DMD: variants seen among roughly 807,000 people sequenced by gnomAD.
DMD encodes the protein mutant dystrophin.
DMD carries 63 observed loss-of-function variants against 330.1 expected under a neutral mutation model. The ratio of observed to expected loss-of-function variants is 0.19; its 90% CI spans 0.16 to 0.24. The LOEUF is 0.24. DMD is among the 10% of genes least tolerant of loss of function. The pLI is 1.00. For missense variants in DMD, 3,344 were observed against 2,684.1 expected (o/e 1.25, Z -5.43); for synonymous variants, 1,223 against 959.8 (o/e 1.27, Z -5.07).
At chrX:31,695,552 AC>A (rs1317241198) in intron 52 of DMD, among the ~76,000 whole-genome samples, 1 of 103,203 alleles carries the variant, frequency 9.7e-6, no homozygotes, top group Non-Finnish European at 2.0e-5. Flanking sequence ...ATATATACCT[AC>A]TATGTACCCC....
intron 1 of DMD, among the ~76,000 whole-genome samples, chrX:33,049,354 T>C (rs765946914): frequency 2.7e-5 from 3 of 111,742 alleles, no homozygotes; most frequent in Non-Finnish European, 5.6e-5. Context: ...CTCAGAAGAC[T>C]GTATATTTCC....
intron 59 of DMD, among the ~76,000 whole-genome samples, chrX:31,476,916 C>T (rs1309933890): frequency 9.0e-6 from 1 of 111,199 alleles, no homozygotes; most frequent in Non-Finnish European, 1.9e-5. Context: ...CATGTGCCAT[C>T]AGTGAAAATG....
chrX:33,239,473 T>C (rs2052550753), intron 1 of DMD, among the ~76,000 whole-genome samples: 1 of 109,803 alleles, frequency 9.1e-6, no homozygotes, highest in African/African-American at 3.3e-5. Flanking sequence ...AGGAGGGCAA[T>C]ACCTTTACTT....
rs770736063 is a variant in DMD, at chrX:32,320,326, C to T, written c.5923-10050G>A. Among the ~76,000 whole-genome samples the T allele has an allele frequency of 2.5e-3, 280 of 111,496 alleles. 3 individuals carry two copies. Among genetic ancestry groups the T allele is most frequent in the Non-Finnish European group, 4.7e-3 (247 of 52,879 alleles). On this transcript the variant is annotated intron_variant, in intron 41 of 78. Coordinates refer to ENST00000357033, the MANE Select transcript of DMD (RefSeq NM_004006.3). ...GGAAGTATTCTCTTCATTAGAAATG[C>T]GAGTGATAGTAAAGATGCATATAAT...
intron 2 of DMD, among the ~76,000 whole-genome samples, chrX:32,950,353 C>A (rs931133759): frequency 1.8e-5 from 2 of 110,964 alleles, no homozygotes; most frequent in Non-Finnish European, 3.8e-5. Context: ...AAGTATCTTG[C>A]TACACATTAT....
chrX:32,618,044 G>A (rs1041557135), intron 11 of DMD, among the ~76,000 whole-genome samples: 3 of 111,703 alleles, frequency 2.7e-5, no homozygotes, highest in Admixed American at 9.5e-5. Context: ...CAAAGAAAAG[G>A]GAACACTTAT....
At chrX:31,951,149 ATATATATATG>A (rs2095167675) in intron 45 of DMD, among the ~76,000 whole-genome samples, 1 of 74,392 alleles carries the variant, frequency 1.3e-5, no homozygotes, top group African/African-American at 6.3e-5. Flanking sequence ...ATGTGTATAT[ATATATATATG>A]TATATATATA....
chrX:31,619,559 G>C (rs904805044), intron 55 of DMD, among the ~76,000 whole-genome samples: 1 of 111,590 alleles, frequency 9.0e-6, no homozygotes, highest in Non-Finnish European at 1.9e-5. Flanking sequence ...TCCCTTATAA[G>C]ATCCTCACAA....
intron 1 of DMD, among the ~76,000 whole-genome samples, chrX:33,048,407 C>T (rs2094411240): frequency 1.8e-5 from 2 of 110,404 alleles, no homozygotes; most frequent in Non-Finnish European, 1.9e-5. Context: ...AAGAAAAATT[C>T]GACTGGGAGC....
chrX:32,498,439 C>T (rs2148671190), intron 19 of DMD, among the ~76,000 whole-genome samples: 1 of 110,630 alleles, frequency 9.0e-6, no homozygotes, highest in Admixed American at 9.7e-5. Flanking sequence ...TTAACACTCT[C>T]CTTTTAGTAG....
chrX:32,624,408 C>A (rs756048616), intron 11 of DMD, among the ~76,000 whole-genome samples: 44 of 111,956 alleles, frequency 3.9e-4, no homozygotes, highest in African/African-American at 1.4e-3. Context: ...TAGAGAGGGG[C>A]TAGCAAAACA....
chrX:31,841,299 A>G (rs1396559560), intron 48 of DMD, among the ~76,000 whole-genome samples: 1 of 111,781 alleles, frequency 8.9e-6, no homozygotes, highest in African/African-American at 3.3e-5. Context: ...GAAATTGTAG[A>G]AGAAAAGTTG....
intron 55 of DMD, among the ~76,000 whole-genome samples, chrX:31,594,655 T>C (rs1480298001): frequency 3.6e-5 from 4 of 111,594 alleles, no homozygotes; most frequent in Admixed American, 1.9e-4. Flanking sequence ...CCTGCTCTGA[T>C]TGGTTAATCT....
intron 1 of DMD, among the ~76,000 whole-genome samples, chrX:33,308,565 T>G (rs190056387): frequency 8.1e-4 from 90 of 111,793 alleles, no homozygotes; most frequent in Non-Finnish European, 1.0e-3. Flanking sequence ...CAGGAAAATT[T>G]ACAACAATCT....
chrX:31,205,875 T>C (rs1220632724), intron 66 of DMD, among the ~76,000 whole-genome samples: 2 of 112,342 alleles, frequency 1.8e-5, no homozygotes, highest in African/African-American at 3.2e-5. Context: ...TTGTTTAATA[T>C]TCCTACTGAA....
intron 54 of DMD, among the ~76,000 whole-genome samples, chrX:31,653,823 A>G (rs1387331488): frequency 1.8e-5 from 2 of 111,621 alleles, no homozygotes; most frequent in African/African-American, 3.2e-5. Context: ...ATATGTTATC[A>G]TGGACTCTGT....
chrX:32,684,581 C>A (rs2062709929), intron 9 of DMD, among the ~76,000 whole-genome samples: 1 of 111,448 alleles, frequency 9.0e-6, no homozygotes, highest in Non-Finnish European at 1.9e-5. Context: ...GTCATAAGCC[C>A]TCTTACAACT....
chrX:31,490,189 T>A (rs543510383), intron 57 of DMD, among the ~76,000 whole-genome samples: 1 of 112,231 alleles, frequency 8.9e-6, no homozygotes, highest in South Asian at 3.7e-4. Context: ...CCAACGCGGC[T>A]AAAAAGACAC....
At position 31,206,582 on chromosome X, in the gene DMD, A is replaced by G. The variant is rs766981643; in HGVS notation, c.9649T>C (p.Tyr3217His). 14 of 1,203,420 alleles carry G rather than the reference A, an allele frequency of 1.2e-5. No homozygotes were observed. Among genetic ancestry groups the G allele is most frequent in the East Asian group, 3.0e-5 (1 of 33,708 alleles). ...CKAHLEDKYRYLFKQVASSTG... is the reference protein window; with the variant it reads ...CKAHLEDKYRHLFKQVASSTG... ...TACAGCATTAATATACACGACTTAC[A>G]TCTGTACTTGTCTTCCAAATGTGCT... The change falls in exon 66 of 79, where the codon TAC becomes CAC. Residue 3217 changes from tyrosine (Y) to histidine (H), a missense_variant and splice_region_variant. Physicochemically the swap from Tyr to His is moderately conservative, Grantham distance 83. Coordinates refer to ENST00000357033, the MANE Select transcript of DMD (RefSeq NM_004006.3).
Sources: allele counts gnomAD v4.1 joint callset (sites outside exome capture counted in the v4.1 genomes callset), GRCh38; gene constraint gnomAD v4.1.1; transcripts MANE v1.5; gene names NCBI Gene and HGNC (gene_info 2026-07-23, HGNC 2026-07-21).